SAMMSON: variants seen among roughly 807,000 people sequenced by gnomAD.
The protein encoded by SAMMSON is long intergenic non-protein coding RNA 1212.
At chr3:70,214,477 G>A (rs1333857013) in intron 4 of SAMMSON, among the ~76,000 whole-genome samples, 3 of 151,996 alleles carry the variant, frequency 2.0e-5, no homozygotes, top group Non-Finnish European at 4.4e-5. Flanking sequence ...AGAAATAATA[G>A]AAGTGAGTGT....
At chr3:70,166,528 T>G (rs775334969) in intron 4 of SAMMSON, among the ~76,000 whole-genome samples, 2 of 151,972 alleles carry the variant, frequency 1.3e-5, no homozygotes, top group Non-Finnish European at 2.9e-5. Flanking sequence ...AGCACCCGTA[T>G]CCTCCATGGC....
chr3:70,195,530 T>C (rs1701167761), intron 4 of SAMMSON, among the ~76,000 whole-genome samples: 1 of 152,204 alleles, frequency 6.6e-6, no homozygotes, highest in Non-Finnish European at 1.5e-5. Context: ...GCTACAGAAA[T>C]AAAGCAAATG....
At chr3:70,170,909 T>C (rs977270029) in intron 4 of SAMMSON, among the ~76,000 whole-genome samples, 7 of 151,886 alleles carry the variant, frequency 4.6e-5, no homozygotes, top group African/African-American at 1.7e-4. Flanking sequence ...AAATACACTG[T>C]TCTTAAACAA....
At chr3:70,236,232 G>A (rs1424014966) in intron 4 of SAMMSON, among the ~76,000 whole-genome samples, 1 of 152,088 alleles carries the variant, frequency 6.6e-6, no homozygotes, top group African/African-American at 2.4e-5. Flanking sequence ...ATCCAGATGT[G>A]TTGTCTTTTA....
intron 1 of SAMMSON, among the ~76,000 whole-genome samples, chr3:70,011,805 A>G (rs919598417): frequency 6.6e-6 from 1 of 152,122 alleles, no homozygotes; most frequent in Non-Finnish European, 1.5e-5. Flanking sequence ...GCTATTATGA[A>G]GTATGGAAAG....
At chr3:70,231,952 C>T (rs932819002) in intron 4 of SAMMSON, among the ~76,000 whole-genome samples, 1 of 152,170 alleles carries the variant, frequency 6.6e-6, no homozygotes, top group Non-Finnish European at 1.5e-5. Context: ...GTATTCTTGA[C>T]AGTTGTTCAG....
At position 70,131,700 on chromosome 3, in the gene SAMMSON, C is replaced by T. The variant is rs542008962; in HGVS notation, n.507+60135C>T. ...AACTCAAACGATTCTCTCACCTCGG[C>T]CTCCTGAGGAACTGGGACTATAAGC... On this transcript the variant is annotated intron_variant and non_coding_transcript_variant, in intron 4 of 9. Transcript: ENST00000642114. Among the ~76,000 whole-genome samples the T allele has an allele frequency of 6.6e-4, 101 of 152,252 alleles. 1 individual carries two copies. Among genetic ancestry groups the T allele is most frequent in the East Asian group, 3.9e-4 (2 of 5,172 alleles).
chr3:70,414,380 A>G (rs902717074), intron 2 of SAMMSON, among the ~76,000 whole-genome samples: 3 of 152,152 alleles, frequency 2.0e-5, no homozygotes, highest in Non-Finnish European at 4.4e-5. Context: ...AAATAACTAA[A>G]AAGTAACAAA....
At chr3:70,119,224 A>C (rs2067423302) in intron 4 of SAMMSON, among the ~76,000 whole-genome samples, 1 of 151,738 alleles carries the variant, frequency 6.6e-6, no homozygotes, top group African/African-American at 2.4e-5. Flanking sequence ...CCGCCACCAC[A>C]CCTGGCTAAT....
rs148204329 is a variant in SAMMSON, at chr3:70,007,963, C to T, written n.23-4394C>T. On this transcript the variant is annotated intron_variant and non_coding_transcript_variant, in intron 1 of 9. Transcript: ENST00000642114. ...CAAAGATCAGATGGTTGTAGATACGCGGCATTATTTCTAAGGGCTCTGTTC... is the reference window on the plus strand; with the variant it reads ...CAAAGATCAGATGGTTGTAGATACGTGGCATTATTTCTAAGGGCTCTGTTC... Among the ~76,000 whole-genome samples the T allele has an allele frequency of 6.6e-3, 1,008 of 151,900 alleles. 16 individuals carry two copies. Among genetic ancestry groups the T allele is most frequent in the African/African-American group, 0.023 (934 of 41,444 alleles).
intron 2 of SAMMSON, among the ~76,000 whole-genome samples, chr3:70,433,406 T>C (rs1189252781): frequency 1.3e-5 from 2 of 152,136 alleles, no homozygotes; most frequent in Non-Finnish European, 2.9e-5. Context: ...CTGATAGTAT[T>C]CAATGGTGAG....
intron 6 of SAMMSON, among the ~76,000 whole-genome samples, chr3:70,256,647 C>T (rs1365217283): frequency 2.6e-5 from 4 of 152,178 alleles, no homozygotes; most frequent in Non-Finnish European, 5.9e-5. Flanking sequence ...AATCCTCAAG[C>T]CATGAGATGC....
intron 4 of SAMMSON, among the ~76,000 whole-genome samples, chr3:70,147,303 G>A (rs1157659170): frequency 6.6e-6 from 1 of 151,914 alleles, no homozygotes; most frequent in South Asian, 2.1e-4. Flanking sequence ...TTTTTTGTAA[G>A]AATAGAATGT....
chr3:70,407,455 G>A (rs532870152), intron 2 of SAMMSON, among the ~76,000 whole-genome samples: 72 of 152,250 alleles, frequency 4.7e-4, no homozygotes, highest in African/African-American at 1.6e-3. Context: ...TACAGGTATT[G>A]GTAAATACAG....
intron 4 of SAMMSON, among the ~76,000 whole-genome samples, chr3:70,097,059 G>C (rs1375719968): frequency 6.6e-6 from 1 of 152,204 alleles, no homozygotes; most frequent in Non-Finnish European, 1.5e-5. Flanking sequence ...GCCTCTTATA[G>C]CACAATCTGG....
chr3:70,269,735 A>G (rs925358298), intron 6 of SAMMSON, among the ~76,000 whole-genome samples: 1 of 152,224 alleles, frequency 6.6e-6, no homozygotes, highest in African/African-American at 2.4e-5. Context: ...AACTGTTTTA[A>G]AAAATGCCTA....
intron 2 of SAMMSON, among the ~76,000 whole-genome samples, chr3:70,409,927 G>T (rs1333029698): frequency 6.6e-6 from 1 of 152,094 alleles, no homozygotes; most frequent in Non-Finnish European, 1.5e-5. Context: ...CCATCATCCA[G>T]GTAGTGAGCA....
At chr3:70,044,427 G>A (rs13071266) in intron 3 of SAMMSON, among the ~76,000 whole-genome samples, 8,600 of 152,104 alleles carry the variant, frequency 0.057, 334 homozygotes, top group South Asian at 0.14. Flanking sequence ...ACATTCCGAT[G>A]ATTATAGTGG....
At chr3:70,381,398 G>A (rs149051596) in intron 9 of SAMMSON, among the ~76,000 whole-genome samples, 1 of 152,158 alleles carries the variant, frequency 6.6e-6, no homozygotes, top group Non-Finnish European at 1.5e-5. Flanking sequence ...ATTCCAAAAC[G>A]ATGGGGTGAA....
Sources: gnomAD v4.1 joint callset for allele counts (sites outside exome capture counted in the v4.1 genomes callset) on GRCh38, gnomAD v4.1.1 for gene constraint, MANE v1.5 for transcripts, NCBI Gene and HGNC (gene_info 2026-07-23, HGNC 2026-07-21) for gene names.